Variants in PRKAR2A observed in about 807,000 individuals in gnomAD.
The protein encoded by PRKAR2A is protein kinase cAMP-dependent type II regulatory subunit alpha, also known as cAMP-dependent protein kinase type II-alpha regulatory subunit.
A neutral mutation model predicts 51.9 loss-of-function variants in PRKAR2A; 29 were observed. That is an observed-to-expected ratio of 0.56 (90% CI 0.42 to 0.76). PRKAR2A has a LOEUF of 0.76. Among genes scored for constraint, PRKAR2A ranks in the 30% least tolerant of loss-of-function variants. The probability of loss-of-function intolerance (pLI) is 0.00; values close to 1 mark genes in which losing one functional copy is unlikely to be tolerated. For missense variants in PRKAR2A, 445 were observed against 512.1 expected (o/e 0.87, Z 1.26); for synonymous variants, 178 against 186.2 (o/e 0.96, Z 0.36).
intron 9 of PRKAR2A, among the ~76,000 whole-genome samples, chr3:48,755,531 A>G (rs530205941): frequency 7.9e-5 from 12 of 152,084 alleles, no homozygotes; most frequent in African/African-American, 2.9e-4. Context: ...CTCTTCTAAC[A>G]GTGCTCTAAC....
chr3:48,763,032 G>GA (rs1341394968), intron 8 of PRKAR2A, among the ~76,000 whole-genome samples: 3 of 152,244 alleles, frequency 2.0e-5, no homozygotes, highest in African/African-American at 7.2e-5. Flanking sequence ...ATGGGTGATG[G>GA]AAATACCACT....
intron 2 of PRKAR2A, among the ~76,000 whole-genome samples, chr3:48,804,088 A>G (rs975439476): frequency 1.3e-5 from 2 of 152,210 alleles, no homozygotes; most frequent in Non-Finnish European, 2.9e-5. Flanking sequence ...TTTTCCTCCA[A>G]TCAGGTTCAG....
Position 48,790,601 on chromosome 3 carries a change from C to G in PRKAR2A, c.378G>C (p.Gln126His). 6.6e-7 allele frequency: 1 copy of G among 1,523,634 alleles called. No homozygotes were observed. Among genetic ancestry groups the G allele is most frequent in the Non-Finnish European group, 8.8e-7 (1 of 1,135,254 alleles). The allele number at this position is 1,523,634 out of a possible 1,614,324, so 94.4% of individuals were successfully genotyped here. The change falls in exon 4 of 11, where the codon CAG (glutamine) becomes CAC (histidine). Residue 126 changes from glutamine to histidine, a missense_variant. Transcript: ENST00000265563. ...PRVIHPKTDE[Q>H]RCRLQEACKD... ...TGCAAGCTTCCTGAAGTCTGCATCT[C>G]TGTTCATCAGTTTTAGGATGAATCA...
chr3:48,787,654 G>T (rs1437101965), intron 4 of PRKAR2A, among the ~76,000 whole-genome samples: 5 of 152,154 alleles, frequency 3.3e-5, no homozygotes, highest in African/African-American at 1.2e-4. Flanking sequence ...GGGTCTTCCA[G>T]GGAAAACAGC....
chr3:48,793,108 TAAA>T (rs2082418587), intron 3 of PRKAR2A, among the ~76,000 whole-genome samples: 1 of 151,644 alleles, frequency 6.6e-6, no homozygotes, highest in African/African-American at 2.4e-5. Context: ...TATATACAAA[TAAA>T]TATATATATT....
intron 8 of PRKAR2A, among the ~76,000 whole-genome samples, chr3:48,760,726 T>A (rs1180600250): frequency 6.7e-6 from 1 of 149,098 alleles, no homozygotes; most frequent in East Asian, 2.0e-4. Flanking sequence ...TCCCAGCTAC[T>A]CAGGAAGCTG....
chr3:48,756,243 G>T, intron 9 of PRKAR2A, 136 bp downstream of exon 9: 1 of 693,874 alleles, frequency 1.4e-6, no homozygotes, highest in Non-Finnish European at 2.5e-6. Context: ...TACTAAATGG[G>T]CTTAAACATG....
At chr3:48,807,759 G>A in intron 1 of PRKAR2A, 75 bp from the exon 2 acceptor site, 1 of 1,308,376 alleles carries the variant, frequency 7.6e-7, no homozygotes, top group Non-Finnish European at 1.1e-6. Flanking sequence ...TTTTGCAAAA[G>A]TCTTTTACAA....
intron 9 of PRKAR2A, among the ~76,000 whole-genome samples, chr3:48,752,791 G>T (rs2081673946): frequency 6.6e-6 from 1 of 151,694 alleles, no homozygotes; most frequent in African/African-American, 2.4e-5. Context: ...TTCAACTGTT[G>T]GCCTCAAGCA....
At chr3:48,833,140 A>G (rs529045581) in intron 1 of PRKAR2A, among the ~76,000 whole-genome samples, 2 of 152,236 alleles carry the variant, frequency 1.3e-5, no homozygotes, top group Admixed American at 1.3e-4. Flanking sequence ...GGCTCAAAGA[A>G]TCCTCCTTCC....
intron 2 of PRKAR2A, among the ~76,000 whole-genome samples, chr3:48,805,220 G>A (rs552056745): frequency 1.1e-4 from 16 of 152,166 alleles, no homozygotes; most frequent in African/African-American, 3.4e-4. Context: ...GCCATAATGC[G>A]AAGTTTTAAG....
At chr3:48,753,823 A>G (rs188364709) in intron 9 of PRKAR2A, among the ~76,000 whole-genome samples, 1 of 152,290 alleles carries the variant, frequency 6.6e-6, no homozygotes, top group Non-Finnish European at 1.5e-5. Flanking sequence ...GTGTCAATGA[A>G]TATCTGAGAA....
chr3:48,826,692 A>G (rs1274990769), intron 1 of PRKAR2A, among the ~76,000 whole-genome samples: 1 of 152,160 alleles, frequency 6.6e-6, no homozygotes, highest in South Asian at 2.1e-4. Flanking sequence ...CATCTCATTA[A>G]CATAAACTCA....
chr3:48,819,605 A>C (rs2082928633), intron 1 of PRKAR2A, among the ~76,000 whole-genome samples: 1 of 152,226 alleles, frequency 6.6e-6, no homozygotes, highest in South Asian at 2.1e-4. Context: ...TCCATTATTT[A>C]ATTATGGATC....
rs1203190734 is a variant in PRKAR2A, at chr3:48,847,128, G to C, written c.262+207C>G. On this transcript the variant is annotated intron_variant, in intron 1 of 10. Transcript: ENST00000265563. This position sits in a 1 kb window ranked among gnomAD's most constrained non-coding sequence, Gnocchi z 4.4. ...CTGACAAATCACTCGGTGCGCTCTAGGGCTCGCAGGATCGCGGAGCTCAAT... is the reference window on the plus strand; with the variant it reads ...CTGACAAATCACTCGGTGCGCTCTACGGCTCGCAGGATCGCGGAGCTCAAT... Among the ~76,000 whole-genome samples the C allele has an allele frequency of 6.6e-6, 1 of 152,184 alleles. No homozygotes were observed. The highest frequency in any genetic ancestry group is 1.9e-4 in the East Asian group (1 of 5,194).
Position 48,842,727 on chromosome 3 carries a change from C to T in PRKAR2A, c.262+4608G>A, listed in dbSNP as rs535602991. On this transcript the variant is annotated intron_variant, in intron 1 of 10. Coordinates refer to ENST00000265563, the MANE Select transcript of PRKAR2A (RefSeq NM_004157.4). Reference sequence around the variant, plus strand: ...ATGCTGGATTACATTTATTGATTTGCGTATATTGAACCAGCCTTGCATCCC... The same window carrying T: ...ATGCTGGATTACATTTATTGATTTGTGTATATTGAACCAGCCTTGCATCCC... Among the ~76,000 whole-genome samples, 10 of 152,042 alleles carry T rather than the reference C, an allele frequency of 6.6e-5. No homozygotes were observed. The South Asian group carries it at 1.2e-3, about 19-fold the overall frequency.
intron 1 of PRKAR2A, among the ~76,000 whole-genome samples, chr3:48,844,168 C>T (rs1420214020): frequency 3.9e-5 from 6 of 151,964 alleles, no homozygotes; most frequent in South Asian, 4.1e-4. Context: ...CATCAAAAAG[C>T]GGGCAAAGGA....
intron 1 of PRKAR2A, among the ~76,000 whole-genome samples, chr3:48,839,287 TAAAA>T (rs749588693): frequency 8.4e-6 from 1 of 119,712 alleles, no homozygotes; most frequent in Non-Finnish European, 1.8e-5. Flanking sequence ...AAATTCCGTC[TAAAA>T]AAAAAAAAAA....
chr3:48,821,963 A>G (rs2082972225), intron 1 of PRKAR2A, among the ~76,000 whole-genome samples: 1 of 149,426 alleles, frequency 6.7e-6, no homozygotes, highest in African/African-American at 2.5e-5. Context: ...GCAGTGTCTC[A>G]CGCCTGTAAT....
Sources: allele counts gnomAD v4.1 joint callset (sites outside exome capture counted in the v4.1 genomes callset), GRCh38; gene constraint gnomAD v4.1.1; non-coding constraint Gnocchi (gnomAD v3.1); transcripts MANE v1.5; gene names NCBI Gene and HGNC (gene_info 2026-07-23, HGNC 2026-07-21).